MCC: variants seen among roughly 807,000 people sequenced by gnomAD.
MCC encodes the protein MCC regulator of Wnt signaling pathway, also known as colorectal mutant cancer protein.
In MCC, 90 loss-of-function variants were observed where a neutral mutation model predicts 116.2. The ratio of observed to expected loss-of-function variants is 0.77; its 90% CI spans 0.65 to 0.92. The LOEUF (loss-of-function observed/expected upper bound fraction) is 0.92. Ranked by LOEUF, MCC falls within the 40% of genes least tolerant of loss-of-function variation. The pLI, the probability that MCC is intolerant of heterozygous loss-of-function variation, is 0.00. For missense variants in MCC, 1,516 were observed against 1,312.2 expected (o/e 1.16, Z -2.40); for synonymous variants, 578 against 510.5 (o/e 1.13, Z -1.78).
intron 5 of MCC, among the ~76,000 whole-genome samples, chr5:113,134,751 G>A (rs1758703651): frequency 6.6e-6 from 1 of 151,480 alleles, no homozygotes; most frequent in African/African-American, 2.4e-5. Flanking sequence ...TCAGACGTTG[G>A]TGATGACCTT....
At chr5:113,222,317 T>G (rs1231307220) in intron 3 of MCC, among the ~76,000 whole-genome samples, 2 of 152,226 alleles carry the variant, frequency 1.3e-5, no homozygotes, top group Non-Finnish European at 2.9e-5. Context: ...GGGTTTGATT[T>G]GCTAAAATTG....
At chr5:113,457,989 G>T (rs1238404586) in intron 1 of MCC, among the ~76,000 whole-genome samples, 2 of 152,020 alleles carry the variant, frequency 1.3e-5, no homozygotes, top group African/African-American at 4.8e-5. Flanking sequence ...ATCTAGTGGG[G>T]ACTTGGAGAA....
At chr5:113,430,154 T>C (rs1435558231) in intron 1 of MCC, among the ~76,000 whole-genome samples, 2 of 152,230 alleles carry the variant, frequency 1.3e-5, no homozygotes, top group East Asian at 1.9e-4. Context: ...TGTTAATACA[T>C]GTGTTCCATT....
intron 5 of MCC, among the ~76,000 whole-genome samples, chr5:113,128,125 G>A (rs1758188953): frequency 6.6e-6 from 1 of 152,234 alleles, no homozygotes; most frequent in African/African-American, 2.4e-5. Flanking sequence ...TAGACTTCAA[G>A]CTGAAAGTAC....
At chr5:113,080,834 A>AAAAAG (rs1433922634) in intron 11 of MCC, among the ~76,000 whole-genome samples, 10 of 148,924 alleles carry the variant, frequency 6.7e-5, no homozygotes, top group African/African-American at 2.5e-4. Flanking sequence ...AAAAGAAAAG[A>AAAAAG]AAAAAGAAAA....
intron 1 of MCC, among the ~76,000 whole-genome samples, chr5:113,470,495 T>C (rs919695667): frequency 5.3e-5 from 8 of 152,238 alleles, no homozygotes; most frequent in Non-Finnish European, 8.8e-5. Flanking sequence ...TCTTTAAGAA[T>C]GTTGAATATT....
chr5:113,110,411 G>A (rs1429915340), intron 6 of MCC, among the ~76,000 whole-genome samples: 3 of 152,202 alleles, frequency 2.0e-5, no homozygotes, highest in African/African-American at 7.2e-5. Flanking sequence ...GAAGCATTCC[G>A]GTTTCACAAG....
At chr5:113,174,263 G>A (rs1408401991) in intron 3 of MCC, among the ~76,000 whole-genome samples, 2 of 152,122 alleles carry the variant, frequency 1.3e-5, no homozygotes, top group African/African-American at 4.8e-5. Flanking sequence ...CTTCTTCCTG[G>A]CTCCTTGGTA....
chr5:113,091,440 G>C (rs1452131398), intron 8 of MCC, among the ~76,000 whole-genome samples: 2 of 152,158 alleles, frequency 1.3e-5, no homozygotes, highest in African/African-American at 4.8e-5. Context: ...GTCTGAATCA[G>C]GAGCTGAATT....
intron 6 of MCC, among the ~76,000 whole-genome samples, chr5:113,105,708 C>A (rs1756688941): frequency 6.6e-6 from 1 of 152,164 alleles, no homozygotes; most frequent in African/African-American, 2.4e-5. Flanking sequence ...CTGCTCTAAA[C>A]CATCATCATC....
At chr5:113,167,682 G>A (rs1760842456) in intron 3 of MCC, among the ~76,000 whole-genome samples, 1 of 152,018 alleles carries the variant, frequency 6.6e-6, no homozygotes, top group Non-Finnish European at 1.5e-5. Flanking sequence ...CCACGCTGGA[G>A]TGCAGTGGCA....
At chr5:113,283,250 T>TA (rs1321483510) in intron 3 of MCC, among the ~76,000 whole-genome samples, 2 of 151,826 alleles carry the variant, frequency 1.3e-5, no homozygotes, top group East Asian at 3.9e-4. Flanking sequence ...ATGGAGAAAA[T>TA]AAAAAATGGA....
At chr5:113,201,864 A>T (rs1364861743) in intron 3 of MCC, among the ~76,000 whole-genome samples, 2 of 152,186 alleles carry the variant, frequency 1.3e-5, no homozygotes, top group African/African-American at 4.8e-5. Context: ...CAGGGGAGCC[A>T]GGAATGAAGT....
rs1326032994 is a variant in MCC, at chr5:113,024,979, T to G, written c.*2323A>C. The G allele has an allele frequency of 1.3e-5, 2 of 151,918 alleles. No individual in the cohort carries two copies. The highest frequency in any genetic ancestry group is 4.8e-5 in the African/African-American group (2 of 41,344). The allele number at this position is 151,918 out of a possible 1,614,324, so 9.4% of individuals were successfully genotyped here. On this transcript the variant is annotated 3_prime_UTR_variant, in exon 19 of 19. Coordinates refer to ENST00000408903, the MANE Select transcript of MCC (RefSeq NM_001085377.2). ...TAAGGTCAGGTAGCATGAGTAAAAC[T>G]GGGGCCCTTAACAGGAGCTGGAGCC...
At chr5:113,114,497 A>G (rs1757282212) in intron 6 of MCC, among the ~76,000 whole-genome samples, 1 of 151,786 alleles carries the variant, frequency 6.6e-6, no homozygotes, top group African/African-American at 2.4e-5. Context: ...CCTGAAGCCT[A>G]TAACCATGGC....
At chr5:113,366,336 T>C (rs1299246932) in intron 2 of MCC, among the ~76,000 whole-genome samples, 1 of 152,158 alleles carries the variant, frequency 6.6e-6, no homozygotes, top group Non-Finnish European at 1.5e-5. Context: ...TTTTTTTATG[T>C]TAATTCTTGC....
At chr5:113,320,471 GT>G (rs1411036210) in intron 3 of MCC, among the ~76,000 whole-genome samples, 1 of 143,534 alleles carries the variant, frequency 7.0e-6, no homozygotes, top group African/African-American at 2.7e-5. Context: ...AAAAAAGGCT[GT>G]TTAAATGTCA....
intron 2 of MCC, among the ~76,000 whole-genome samples, chr5:113,371,035 T>A (rs1414051914): frequency 6.6e-6 from 1 of 152,028 alleles, no homozygotes; most frequent in Non-Finnish European, 1.5e-5. Context: ...CTGGCCAACA[T>A]GATGAAACCC....
intron 1 of MCC, among the ~76,000 whole-genome samples, chr5:113,470,022 T>C (rs1437283096): frequency 3.3e-5 from 5 of 152,202 alleles, no homozygotes; most frequent in Non-Finnish European, 5.9e-5. Context: ...TTTTTTGTTT[T>C]CCATTTGCTT....
Sources: gnomAD v4.1 joint callset for allele counts (sites outside exome capture counted in the v4.1 genomes callset) on GRCh38, gnomAD v4.1.1 for gene constraint, MANE v1.5 for transcripts, NCBI Gene and HGNC (gene_info 2026-07-23, HGNC 2026-07-21) for gene names.